INTS11: variants seen among roughly 807,000 people sequenced by gnomAD.
INTS11 encodes integrator complex subunit 11.
In INTS11, 77 loss-of-function variants were observed where a neutral mutation model predicts 78.6. That is an observed-to-expected ratio of 0.98 (90% confidence interval 0.81 to 1.18). The LOEUF is 1.18. Among genes scored for constraint, INTS11 ranks in the 50% most tolerant of loss-of-function variants. The pLI is 0.00. For synonymous variants in INTS11, 441 were observed against 326.9 expected (o/e 1.35, Z -3.77); for missense variants, 875 against 825.9 (o/e 1.06, Z -0.73).
In INTS11 at chr1:1,312,957, G is replaced by A. The variant is rs370561475; in HGVS notation, c.1132-8C>T. 3.4e-5 allele frequency: 55 copies of A among 1,611,580 alleles called. No individual in the cohort carries two copies. The highest frequency in any genetic ancestry group is 1.6e-4 in the Middle Eastern group (1 of 6,080). ...CTGCATCTTGACCTCCAGCTACAGAGGCCACGGGGCGTGGACAGTGGTTAC... is the reference window on the plus strand; with the variant it reads ...CTGCATCTTGACCTCCAGCTACAGAAGCCACGGGGCGTGGACAGTGGTTAC... On this transcript the variant is annotated splice_region_variant and splice_polypyrimidine_tract_variant and intron_variant, in intron 11 of 16. Transcript: ENST00000435064.
At position 1,322,914 on chromosome 1, in the gene INTS11, A is replaced by C. The variant is rs1321871955; in HGVS notation, c.28+1667T>G. On this transcript the variant is annotated intron_variant, in intron 1 of 16. Coordinates refer to ENST00000435064, the MANE Select transcript of INTS11 (RefSeq NM_017871.6). ...TACCTTGGCTGAGGTGACCTTGAGAATATACCCAGGTACAGATTGCGGGTA... is the reference window on the plus strand; with the variant it reads ...TACCTTGGCTGAGGTGACCTTGAGACTATACCCAGGTACAGATTGCGGGTA... The C allele has an allele frequency of 3.8e-6, 5 of 1,306,490 alleles. No homozygotes were observed. The African/African-American group carries it at 7.4e-5, about 19-fold the overall frequency. The allele number at this position is 1,306,490 out of a possible 1,614,324, so 80.9% of individuals were successfully genotyped here.
chr1:1,313,385 C>G, intron 10 of INTS11, 124 bp downstream of exon 10: 1 of 1,131,574 alleles, frequency 8.8e-7, no homozygotes, highest in Non-Finnish European at 1.3e-6. Context: ...CGTTCCCCAG[C>G]AGCAGCAGCC....
chr1:1,319,928 A>G, intron 3 of INTS11: 1 of 213,690 alleles, frequency 4.7e-6, no homozygotes, highest in South Asian at 8.2e-5. Flanking sequence ...ACCGTGTCTG[A>G]GAAGAAACCA....
In INTS11 at chr1:1,312,669, C is replaced by A; in HGVS notation, c.1326G>T (p.Glu442Asp). The A allele has an allele frequency of 4.4e-6, 7 of 1,595,766 alleles. No individual in the cohort carries two copies. Among genetic ancestry groups the A allele is most frequent in the Non-Finnish European group, 6.0e-6 (7 of 1,168,240 alleles). The change falls in exon 13 of 17, where the codon GAG (glutamate) becomes GAT (aspartate). Residue 442 changes from glutamate to aspartate, a missense_variant. Coordinates refer to ENST00000435064, the MANE Select transcript of INTS11 (RefSeq NM_017871.6). The part of the protein sequence containing the change: ...RVNCYMPANG[E>D]TVTLPTSPSI... ...TGGGGCTTGTGGGCAGCGTCACCGT[C>A]TCGCCATTGGCCGGCATGTAGCAGT...
chr1:1,312,213 G>GCCCGGCCCCCCCCCCCCC lies in INTS11; in HGVS notation c.1607+12_1607+13insGGGGGGGGGGGGGCCGGG. ...CCCAAGGGAGTGGGGGGGGGGCGGGGCCGGGCGCCCACCTCTTGAGGTGGC... is the reference window on the plus strand; with the variant it reads ...CCCAAGGGAGTGGGGGGGGGGCGGGGCCCGGCCCCCCCCCCCCCCCGGGCGCCCACCTCTTGAGGTGGC... On this transcript the variant is annotated intron_variant, in intron 15 of 16. Coordinates refer to ENST00000435064, the MANE Select transcript of INTS11 (RefSeq NM_017871.6). 1 of 934,552 alleles carries GCCCGGCCCCCCCCCCCCC rather than the reference G, an allele frequency of 1.1e-6. No individual in the cohort carries two copies. The highest frequency in any genetic ancestry group is 1.6e-6 in the Non-Finnish European group (1 of 636,610). The allele number at this position is 934,552 out of a possible 1,614,324, so 57.9% of individuals were successfully genotyped here. A position where few individuals can be genotyped will look rare whatever the true frequency, so the allele number is the denominator to read the frequency against.
chr1:1,320,285 G>A (rs1642867493), intron 3 of INTS11, 171 bp downstream of exon 3: 1 of 656,914 alleles, frequency 1.5e-6, no homozygotes, highest in Non-Finnish European at 2.7e-6. Flanking sequence ...CAGAGACCAG[G>A]CCATGTGTGT....
Position 1,312,213 on chromosome 1 carries a change from G to GGGGGGGGCCCCCCCCCCCCCCC in INTS11, c.1607+12_1607+13insGGGGGGGGGGGGGGGCCCCCCC. 1.1e-5 allele frequency: 10 copies of GGGGGGGGCCCCCCCCCCCCCCC among 934,460 alleles called. No individual in the cohort carries two copies. The highest frequency in any genetic ancestry group is 1.4e-5 in the Non-Finnish European group (9 of 636,530). 57.9% of individuals were successfully genotyped at this position (934,460 alleles called of 1,614,324 possible). Reference sequence around the variant, plus strand: ...CCCAAGGGAGTGGGGGGGGGGCGGGGCCGGGCGCCCACCTCTTGAGGTGGC... The same window carrying GGGGGGGGCCCCCCCCCCCCCCC: ...CCCAAGGGAGTGGGGGGGGGGCGGGGGGGGGGGCCCCCCCCCCCCCCCCCGGGCGCCCACCTCTTGAGGTGGC... On this transcript the variant is annotated intron_variant, in intron 15 of 16. Transcript: ENST00000435064.
Position 1,315,438 on chromosome 1 carries a change from C to A in INTS11, c.529G>T (p.Gly177Cys), listed in dbSNP as rs761940024. The change falls in exon 6 of 17, where the codon GGT (glycine) becomes TGT (cysteine). Residue 177 changes from glycine (G) to cysteine (C), a missense_variant and splice_region_variant. Gly to Cys is a radical substitution (Grantham distance 159). Transcript: ENST00000435064. ...KVGSESVVYT[G>C]DYNMTPDRHL... Reference sequence around the variant, plus strand: ...CGGTCTGGGGTCATGTTATAATCACCCTGGTGAACGATCAAGGATGCCATG... The same window carrying A: ...CGGTCTGGGGTCATGTTATAATCACACTGGTGAACGATCAAGGATGCCATG... The A allele has an allele frequency of 6.2e-7, 1 of 1,613,044 alleles. No homozygotes were observed. Among genetic ancestry groups the A allele is most frequent in the Non-Finnish European group, 8.5e-7 (1 of 1,179,940 alleles).
rs1242394815 is a variant in INTS11 at position 1,312,796 on chromosome 1, G to A, written c.1285C>T (p.Gln429Ter). 6 of 1,608,268 alleles carry A rather than the reference G, an allele frequency of 3.7e-6. No individual in the cohort carries two copies. The highest frequency in any genetic ancestry group is 5.1e-6 in the Non-Finnish European group (6 of 1,177,356). Residue 429 changes from glutamine (Q) to a stop codon, truncating the protein, a stop_gained, in exon 12 of 17, where the codon CAG becomes TAG. Coordinates refer to ENST00000435064, the MANE Select transcript of INTS11 (RefSeq NM_017871.6). LOFTEE classifies it high-confidence loss of function. Reference protein sequence around the residue: ...KMEFLKQKIEQELRVNCYMPA... With the variant: ...KMEFLKQKIE ...CCGCCCGGCTGCCTACGGAGCTCCTGCTCGATCTTCTGCTTCAGGAACTCC... is the reference window on the plus strand; with the variant it reads ...CCGCCCGGCTGCCTACGGAGCTCCTACTCGATCTTCTGCTTCAGGAACTCC...
At chr1:1,322,814 C>G (rs1321309482) in intron 1 of INTS11, 5 of 913,566 alleles carry the variant, frequency 5.5e-6, no homozygotes, top group Non-Finnish European at 2.7e-6. Flanking sequence ...AGCAGTGGTC[C>G]AGTGAGCGCG....
chr1:1,313,280 G>A, intron 10 of INTS11, 156 bp from the exon 11 acceptor site: 3 of 960,292 alleles, frequency 3.1e-6, no homozygotes, highest in Non-Finnish European at 3.1e-6. Context: ...CTCAGGTTTT[G>A]GCACAAGACT....
At position 1,320,617 on chromosome 1, in the gene INTS11, A is replaced by AG. The variant is rs770936258; in HGVS notation, c.127-89dup. 4.5e-6 allele frequency: 6 copies of AG among 1,333,072 alleles called. No homozygotes were observed. The South Asian group carries it at 4.7e-5, about 10-fold the overall frequency. 82.6% of individuals were successfully genotyped at this position (1,333,072 alleles called of 1,614,324 possible). On this transcript the variant is annotated intron_variant, in intron 2 of 16. Transcript: ENST00000435064. ...ATGCCCCAGGGAGGGGCCCCCAGGA[A>AG]GGGGGGTTCTATGTGCAGACTCAGG...
At position 1,315,456 on chromosome 1, in the gene INTS11, A is replaced by T; in HGVS notation, c.529-18T>A. 1 of 1,613,022 alleles carries T rather than the reference A, an allele frequency of 6.2e-7. No individual in the cohort carries two copies. The highest frequency in any genetic ancestry group is 8.5e-7 in the Non-Finnish European group (1 of 1,179,890). On this transcript the variant is annotated intron_variant, in intron 5 of 16. Coordinates refer to ENST00000435064, the MANE Select transcript of INTS11 (RefSeq NM_017871.6). Reference sequence around the variant, plus strand: ...TAATCACCCTGGTGAACGATCAAGGATGCCATGAGGAGGGTGCCTCCCACC... The same window carrying T: ...TAATCACCCTGGTGAACGATCAAGGTTGCCATGAGGAGGGTGCCTCCCACC...
chr1:1,321,662 C>T (rs1037040983), intron 1 of INTS11, among the ~76,000 whole-genome samples: 2 of 152,226 alleles, frequency 1.3e-5, no homozygotes, highest in Admixed American at 1.3e-4. Flanking sequence ...CGTGGCAACA[C>T]GAGCCTCACA....
intron 4 of INTS11, 63 bp from the exon 5 acceptor site, chr1:1,315,681 GGCGGGGGACGGGAA>G (rs1642539321): frequency 1.1e-6 from 1 of 916,644 alleles, no homozygotes; most frequent in Non-Finnish European, 1.7e-6. Flanking sequence ...GAGTGAGGGA[GGCGGGGGACGGGAA>G]GCGCGGGAGG....
intron 4 of INTS11, chr1:1,318,541 C>A: frequency 4.3e-6 from 1 of 234,128 alleles, no homozygotes; most frequent in Non-Finnish European, 8.3e-6. Flanking sequence ...TGCTTGTAGT[C>A]CCAGCTACTT....
Position 1,314,457 on chromosome 1 carries a change from T to C in INTS11, c.703-92A>G, listed in dbSNP as rs1186466089. ...AGGGCACGGCCAGGTGCCCAAGAGC[T>C]GCGGCCTCATAGGGACCTTAGCCTC... is the stretch of plus-strand genomic sequence containing the variant. On this transcript the variant is annotated intron_variant, in intron 7 of 16. Coordinates refer to ENST00000435064, the MANE Select transcript of INTS11 (RefSeq NM_017871.6). This position sits in a 1 kb window ranked among gnomAD's most constrained non-coding sequence, Gnocchi z 4.2. 1.7e-6 allele frequency: 2 copies of C among 1,171,726 alleles called. No homozygotes were observed. The highest frequency in any genetic ancestry group is 2.4e-6 in the Non-Finnish European group (2 of 827,374). 72.6% of individuals were successfully genotyped at this position (1,171,726 alleles called of 1,614,324 possible).
intron 1 of INTS11, chr1:1,321,920 G>T: frequency 1.8e-6 from 1 of 556,340 alleles, no homozygotes; most frequent in South Asian, 2.8e-5. Context: ...CCCCCTGCCA[G>T]CCACTCGAAG....
intron 3 of INTS11, chr1:1,320,213 G>C: frequency 1.9e-6 from 1 of 522,798 alleles, no homozygotes; most frequent in Middle Eastern, 5.5e-4. Flanking sequence ...CATCAGAGAG[G>C]GTGAAGCCTG....
Sources: allele counts gnomAD v4.1 joint callset (sites outside exome capture counted in the v4.1 genomes callset), GRCh38; gene constraint gnomAD v4.1.1; non-coding constraint Gnocchi (gnomAD v3.1); transcripts MANE v1.5; gene names NCBI Gene and HGNC (gene_info 2026-07-23, HGNC 2026-07-21).